DGKG: variants seen among roughly 807,000 people sequenced by gnomAD.
DGKG encodes the protein DAG kinase gamma.
In DGKG, 78 loss-of-function variants were observed where a neutral mutation model predicts 105.3. The ratio of observed to expected loss-of-function variants is 0.74; its 90% CI spans 0.62 to 0.89. The LOEUF (loss-of-function observed/expected upper bound fraction) is 0.89. DGKG is among the 40% of genes least tolerant of loss of function. DGKG has a pLI of 0.00. For synonymous variants in DGKG, 346 were observed against 367.1 expected (o/e 0.94, Z 0.66); for missense variants, 958 against 1,020.1 (o/e 0.94, Z 0.83).
chr3:186,246,060 C>T (rs1015052065), intron 19 of DGKG, among the ~76,000 whole-genome samples: 4 of 152,204 alleles, frequency 2.6e-5, no homozygotes, highest in African/African-American at 9.7e-5. Context: ...CAAGCTCTGC[C>T]TCCTGGGTTC....
At chr3:186,280,535 G>T (rs1366607741) in intron 8 of DGKG, 135 bp downstream of exon 8, 3 of 618,028 alleles carry the variant, frequency 4.9e-6, no homozygotes, top group Non-Finnish European at 8.6e-6. Context: ...TAAAGTGCAG[G>T]ACTCCAAAGA....
At chr3:186,293,732 T>G (rs1723414701) in intron 5 of DGKG, among the ~76,000 whole-genome samples, 1 of 152,228 alleles carries the variant, frequency 6.6e-6, no homozygotes, top group Admixed American at 6.5e-5. Flanking sequence ...CTAAGCTCTT[T>G]CCCTGGCTTC....
chr3:186,224,853 T>TGA (rs1719775112), intron 20 of DGKG, among the ~76,000 whole-genome samples: 1 of 151,556 alleles, frequency 6.6e-6, no homozygotes, highest in Non-Finnish European at 1.5e-5. Context: ...TGCAGGCTCA[T>TGA]GAGGAGTTGA....
intron 22 of DGKG, among the ~76,000 whole-genome samples, chr3:186,177,825 A>G (rs1358700355): frequency 1.3e-5 from 2 of 152,244 alleles, no homozygotes; most frequent in Admixed American, 6.5e-5. Flanking sequence ...TAGGTATTCA[A>G]TAAATAATAG....
chr3:186,339,302 T>C (rs1560162843), intron 1 of DGKG, among the ~76,000 whole-genome samples: 2 of 152,186 alleles, frequency 1.3e-5, no homozygotes, highest in Non-Finnish European at 2.9e-5. Context: ...ATAAAAGCTA[T>C]AGTACTGAGC....
At chr3:186,213,017 A>C (rs1446270116) in intron 20 of DGKG, among the ~76,000 whole-genome samples, 1 of 152,184 alleles carries the variant, frequency 6.6e-6, no homozygotes, top group East Asian at 1.9e-4. Context: ...AATAATAGAC[A>C]CAACTCTTTT....
intron 21 of DGKG, among the ~76,000 whole-genome samples, chr3:186,199,077 A>G (rs1718320560): frequency 6.6e-6 from 1 of 151,986 alleles, no homozygotes; most frequent in Non-Finnish European, 1.5e-5. Context: ...CCTCCCGAGT[A>G]GCTGGGACTA....
chr3:186,157,069 T>C (rs1397227980), intron 24 of DGKG, among the ~76,000 whole-genome samples: 5 of 152,010 alleles, frequency 3.3e-5, no homozygotes, highest in African/African-American at 1.2e-4. Flanking sequence ...ATACATGTCT[T>C]GTTCATGATT....
At chr3:186,316,787 A>G (rs141063538) in intron 2 of DGKG, among the ~76,000 whole-genome samples, 10 of 152,366 alleles carry the variant, frequency 6.6e-5, no homozygotes, top group African/African-American at 2.2e-4. Flanking sequence ...AAAGTTCTCA[A>G]TTCTCAGGCT....
chr3:186,190,243 T>G (rs1578642383), intron 21 of DGKG, among the ~76,000 whole-genome samples: 1 of 152,200 alleles, frequency 6.6e-6, no homozygotes, highest in South Asian at 2.1e-4. Flanking sequence ...CTGTCAACTC[T>G]CTTCATCTTC....
At chr3:186,262,595 T>C (rs1721828214) in intron 14 of DGKG, among the ~76,000 whole-genome samples, 1 of 152,188 alleles carries the variant, frequency 6.6e-6, no homozygotes, top group African/African-American at 2.4e-5. Context: ...AGGATTTGGA[T>C]TTTGTGGATA....
chr3:186,254,683 G>A (rs1470185640), intron 17 of DGKG, among the ~76,000 whole-genome samples: 1 of 151,728 alleles, frequency 6.6e-6, no homozygotes, highest in Non-Finnish European at 1.5e-5. Flanking sequence ...GGTGATGCCT[G>A]AGTGCAGGTA....
At chr3:186,185,102 C>G (rs574891090) in intron 22 of DGKG, among the ~76,000 whole-genome samples, 2 of 152,188 alleles carry the variant, frequency 1.3e-5, no homozygotes, top group Non-Finnish European at 2.9e-5. Context: ...CACACACTAG[C>G]GACAGGCAGA....
chr3:186,178,088 G>A (rs1717175563), intron 22 of DGKG, among the ~76,000 whole-genome samples: 2 of 152,248 alleles, frequency 1.3e-5, no homozygotes, highest in Non-Finnish European at 1.5e-5. Flanking sequence ...CCGCAAACCA[G>A]GAAGAAGACT....
chr3:186,160,864 T>G, intron 24 of DGKG: 5 of 985,472 alleles, frequency 5.1e-6, no homozygotes, highest in Non-Finnish European at 6.0e-6. Flanking sequence ...CCTGTCCTAG[T>G]GCTAAAGGGA....
At chr3:186,282,269 G>A (rs1033572670) in intron 7 of DGKG, among the ~76,000 whole-genome samples, 2 of 152,174 alleles carry the variant, frequency 1.3e-5, no homozygotes, top group African/African-American at 4.8e-5. Flanking sequence ...ACAAAGAGGA[G>A]TGCCTGTGTT....
At chr3:186,232,931 A>G (rs1041560850) in intron 20 of DGKG, among the ~76,000 whole-genome samples, 4 of 152,224 alleles carry the variant, frequency 2.6e-5, no homozygotes, top group Non-Finnish European at 4.4e-5. Flanking sequence ...AAGAATATTA[A>G]TAACAATCAT....
rs546263713 is a variant in DGKG at position 186,208,934 on chromosome 3, T to C, written c.1917+2861A>G. ...TTATCAGTTTTCAGCAATGAAGTTT[T>C]GGTTGAGACACTGAATGTACCTAAG... On this transcript the variant is annotated intron_variant, in intron 21 of 24. Coordinates refer to ENST00000265022, the MANE Select transcript of DGKG (RefSeq NM_001346.3). Among the ~76,000 whole-genome samples, 194 of 152,294 alleles carry C rather than the reference T, an allele frequency of 1.3e-3. 1 individual carries two copies. The highest frequency in any genetic ancestry group is 4.5e-3 in the African/African-American group (189 of 41,552).
chr3:186,295,492 C>T (rs1723505686), intron 5 of DGKG, among the ~76,000 whole-genome samples: 1 of 140,878 alleles, frequency 7.1e-6, no homozygotes, highest in Non-Finnish European at 1.5e-5. Flanking sequence ...CAGAGCGAGA[C>T]TCCGTCTCAA....
Sources: allele counts gnomAD v4.1 joint callset (sites outside exome capture counted in the v4.1 genomes callset), GRCh38; gene constraint gnomAD v4.1.1; transcripts MANE v1.5; gene names NCBI Gene and HGNC (gene_info 2026-07-23, HGNC 2026-07-21).